The following ATG7 variants were observed in gnomAD, a reference collection of about 807,000 sequenced individuals.
ATG7 encodes the protein autophagy related 7, also known as ubiquitin-like modifier-activating enzyme ATG7.
A neutral mutation model predicts 82.4 loss-of-function variants in ATG7; 70 were observed. That is an observed-to-expected ratio of 0.85 (90% CI 0.70 to 1.04). ATG7 has a LOEUF of 1.04. ATG7 is among the 50% of genes least tolerant of loss of function. The pLI, the probability that ATG7 is intolerant of heterozygous loss-of-function variation, is 0.00. For missense variants in ATG7, 792 were observed against 864.3 expected (o/e 0.92, Z 1.05); for synonymous variants, 287 against 313.0 (o/e 0.92, Z 0.88).
intron 19 of ATG7, among the ~76,000 whole-genome samples, chr3:11,403,297 G>C (rs1417376469): frequency 1.3e-5 from 2 of 151,808 alleles, no homozygotes; most frequent in African/African-American, 4.8e-5. Context: ...GTAAGTTAAA[G>C]AGAGAATGGA....
In ATG7 at chr3:11,553,629, G is replaced by A. The variant is rs145279032; in HGVS notation, c.2080-1182G>A. ...GATAGGGACACCTGGTCACTGGACC[G>A]CAGACCGGCCCATCCACAGCCTGGC... On this transcript the variant is annotated intron_variant, in intron 20 of 20. Transcript: ENST00000693202. 2.9e-3 allele frequency among the ~76,000 whole-genome samples: 444 copies of A among 152,258 alleles called. 2 individuals carry two copies. Among genetic ancestry groups the A allele is most frequent in the African/African-American group, 0.01 (417 of 41,550 alleles).
At chr3:11,542,694 C>T (rs1265616272) in intron 20 of ATG7, among the ~76,000 whole-genome samples, 1 of 152,238 alleles carries the variant, frequency 6.6e-6, no homozygotes, top group Non-Finnish European at 1.5e-5. Flanking sequence ...CCCTCTTGCT[C>T]CTCCTTTAAG....
rs189682959 is a variant in ATG7, at chr3:11,434,953, A to G, written c.2079+8027A>G. 1.8e-4 allele frequency among the ~76,000 whole-genome samples: 28 copies of G among 152,338 alleles called. No homozygotes were observed. In the East Asian group the frequency reaches 5.0e-3, roughly 27 times the overall value. ...GGATGAATCCTTCAGTGTCCTGTGC[A>G]TGCTTCCCCACTTAAAATGAGAGGA... On this transcript the variant is annotated intron_variant, in intron 20 of 20. Coordinates refer to ENST00000693202, the MANE Select transcript of ATG7 (RefSeq NM_001349232.2).
At chr3:11,321,190 A>G (rs1237291071) in intron 9 of ATG7, among the ~76,000 whole-genome samples, 1 of 152,238 alleles carries the variant, frequency 6.6e-6, no homozygotes, top group East Asian at 1.9e-4. Flanking sequence ...GCTTGGAGGA[A>G]GATGAAGGAA....
chr3:11,573,316 G>GAAGGAAGGAAGA, the ATG7 span, among the ~76,000 whole-genome samples: 4 of 20,754 alleles, frequency 1.9e-4, no homozygotes, highest in Non-Finnish European at 1.6e-4. Flanking sequence ...AGGAAGGAAG[G>GAAGGAAGGAAGA]AAGAAAGAAA....
chr3:11,431,521 C>G (rs1200332931), intron 20 of ATG7, among the ~76,000 whole-genome samples: 2 of 152,170 alleles, frequency 1.3e-5, no homozygotes, highest in Non-Finnish European at 1.5e-5. Context: ...ACACCCAAAA[C>G]AAACTCTGAA....
chr3:11,373,470 G>C (rs1010404315), intron 18 of ATG7, among the ~76,000 whole-genome samples: 2 of 152,280 alleles, frequency 1.3e-5, no homozygotes, highest in Middle Eastern at 3.4e-3. Context: ...CTTGCCTGAT[G>C]GGAACCACCT....
chr3:11,564,719 C>T, the ATG7 span: 1 of 1,502,668 alleles, frequency 6.7e-7, no homozygotes, highest in South Asian at 1.2e-5. Flanking sequence ...CCTCGGAGTC[C>T]TCTGCTCGGG....
chr3:11,471,438 C>T (rs924736764), intron 20 of ATG7, among the ~76,000 whole-genome samples: 23 of 152,216 alleles, frequency 1.5e-4, no homozygotes, highest in African/African-American at 4.6e-4. Flanking sequence ...TTTATACCCT[C>T]AGTACCTAGC....
intron 19 of ATG7, among the ~76,000 whole-genome samples, chr3:11,403,109 T>G (rs1004895232): frequency 2.6e-5 from 4 of 152,186 alleles, no homozygotes; most frequent in Non-Finnish European, 5.9e-5. Context: ...GATCTAAATT[T>G]GTGTTTCTTA....
intron 20 of ATG7, among the ~76,000 whole-genome samples, chr3:11,528,804 C>T (rs191016146): frequency 1.1e-4 from 14 of 127,724 alleles, no homozygotes; most frequent in South Asian, 4.8e-4. Context: ...CCAGCATGGG[C>T]GACAGAGCAA....
At chr3:11,405,512 C>T (rs1022970867) in intron 19 of ATG7, among the ~76,000 whole-genome samples, 3 of 152,176 alleles carry the variant, frequency 2.0e-5, no homozygotes, top group Non-Finnish European at 4.4e-5. Flanking sequence ...TCTTACTCCA[C>T]TATTTTTGCT....
chr3:11,516,941 G>A lies in ATG7; in HGVS notation c.2080-37870G>A, dbSNP rs138470616. On this transcript the variant is annotated intron_variant, in intron 20 of 20. Coordinates refer to ENST00000693202, the MANE Select transcript of ATG7 (RefSeq NM_001349232.2). ...GTACTAAAAATCCACAAATTAGCCG[G>A]GTATGGTGGCACGTGCCTGTAGTCC... 3.5e-3 allele frequency among the ~76,000 whole-genome samples: 540 copies of A among 152,184 alleles called. 1 individual carries two copies. Among genetic ancestry groups the A allele is most frequent in the African/African-American group, 0.012 (514 of 41,506 alleles).
At chr3:11,406,350 C>G (rs930037814) in intron 19 of ATG7, among the ~76,000 whole-genome samples, 1 of 152,102 alleles carries the variant, frequency 6.6e-6, no homozygotes, top group Non-Finnish European at 1.5e-5. Context: ...ATCACCCAGG[C>G]TGGAGGGCAG....
At chr3:11,406,975 C>T (rs562350310) in intron 19 of ATG7, among the ~76,000 whole-genome samples, 1 of 152,304 alleles carries the variant, frequency 6.6e-6, no homozygotes, top group East Asian at 1.9e-4. Context: ...CATTTCAAAA[C>T]CAATCATGTC....
At chr3:11,543,682 C>T (rs1477447066) in intron 20 of ATG7, among the ~76,000 whole-genome samples, 2 of 152,184 alleles carry the variant, frequency 1.3e-5, no homozygotes, top group Non-Finnish European at 2.9e-5. Flanking sequence ...GGCGGATCAC[C>T]TGAGGTCAGG....
At chr3:11,495,908 G>A (rs901601372) in intron 20 of ATG7, among the ~76,000 whole-genome samples, 2 of 152,152 alleles carry the variant, frequency 1.3e-5, no homozygotes, top group Non-Finnish European at 2.9e-5. Flanking sequence ...GGATGTTAAC[G>A]CAGTTCATGT....
chr3:11,500,690 C>T (rs1337111939), intron 20 of ATG7, among the ~76,000 whole-genome samples: 1 of 152,056 alleles, frequency 6.6e-6, no homozygotes, highest in Non-Finnish European at 1.5e-5. Context: ...TCTTGTTACC[C>T]AGGCCGGACG....
chr3:11,303,897 C>T (rs1284949510), intron 5 of ATG7, among the ~76,000 whole-genome samples: 1 of 138,664 alleles, frequency 7.2e-6, no homozygotes, highest in African/African-American at 2.7e-5. Flanking sequence ...CACGGTGAAA[C>T]CCCGTCTCTA....
Sources: allele counts gnomAD v4.1 joint callset (sites outside exome capture counted in the v4.1 genomes callset), GRCh38; gene constraint gnomAD v4.1.1; transcripts MANE v1.5; gene names NCBI Gene and HGNC (gene_info 2026-07-23, HGNC 2026-07-21).